Variants in ARHGAP32 observed in about 807,000 individuals in gnomAD.
ARHGAP32 encodes rho GTPase-activating protein 32.
In ARHGAP32, 51 loss-of-function variants were observed where a neutral mutation model predicts 186.5. The observed-to-expected ratio is 0.27, with a 90% CI of 0.22 to 0.35. The LOEUF is 0.35. Ranked by LOEUF, ARHGAP32 falls within the 10% of genes least tolerant of loss-of-function variation. The pLI is 1.00. For missense variants in ARHGAP32, 2,186 were observed against 2,623.5 expected (o/e 0.83, Z 3.64); for synonymous variants, 950 against 964.3 (o/e 0.99, Z 0.27).
chr11:129,158,396 C>CA (rs145817087), intron 2 of ARHGAP32, among the ~76,000 whole-genome samples: 6,983 of 65,914 alleles, frequency 0.11, 200 homozygotes, highest in Admixed American at 0.19. Flanking sequence ...AAATGGAAGG[C>CA]AAAAAAAAAA....
intron 7 of ARHGAP32, among the ~76,000 whole-genome samples, chr11:129,065,308 C>T (rs1940649415): frequency 6.6e-6 from 1 of 152,092 alleles, no homozygotes; most frequent in Non-Finnish European, 1.5e-5. Context: ...CTGTAATCTT[C>T]CATGCACATG....
intron 6 of ARHGAP32, among the ~76,000 whole-genome samples, chr11:129,086,585 G>T (rs992151886): frequency 2.6e-5 from 4 of 152,118 alleles, no homozygotes; most frequent in African/African-American, 7.2e-5. Flanking sequence ...ACTTTGGGAG[G>T]CCAAGGCGGG....
intron 2 of ARHGAP32, among the ~76,000 whole-genome samples, chr11:129,132,856 G>A (rs1477184663): frequency 6.6e-6 from 1 of 152,100 alleles, no homozygotes; most frequent in African/African-American, 2.4e-5. Flanking sequence ...TGGAAAGACT[G>A]AAATTCTCTT....
chr11:129,072,594 C>T (rs933793308), intron 6 of ARHGAP32, among the ~76,000 whole-genome samples: 12 of 152,178 alleles, frequency 7.9e-5, no homozygotes, highest in Non-Finnish European at 1.6e-4. Context: ...GAGAATTGCA[C>T]TTACCCACAG....
chr11:128,974,267 T>G lies in ARHGAP32; in HGVS notation c.2930A>C (p.Glu977Ala), dbSNP rs751308710. 1 of 1,614,196 alleles carries G rather than the reference T, an allele frequency of 6.2e-7. No individual in the cohort carries two copies. The highest frequency in any genetic ancestry group is 8.5e-7 in the Non-Finnish European group (1 of 1,180,030). The change falls in exon 21 of 23, where the codon GAG (glutamate) becomes GCG (alanine). Residue 977 changes from glutamate to alanine, a missense_variant. Glu to Ala is a moderately radical substitution (Grantham distance 107). Transcript: ENST00000682385. ...PTQIVKMKTN[E>A]TVAQEAYESE... ...TTCATATGCTTCTTGGGCAACTGTCTCATTTGTTTTCATCTTTACTATCTG... is the reference window on the plus strand; with the variant it reads ...TTCATATGCTTCTTGGGCAACTGTCGCATTTGTTTTCATCTTTACTATCTG...
At chr11:129,193,732 A>ATATATTATATAATATATATT (rs1491217015), upstream of ARHGAP32, among the ~76,000 whole-genome samples, 1 of 80,312 alleles carries the variant, frequency 1.2e-5, no homozygotes, top group African/African-American at 5.7e-5. Flanking sequence ...TATTATATAT[A>ATATATTATATAATATATATT]ATATATATTA....
Position 129,079,668 on chromosome 11 carries a change from C to T in ARHGAP32, c.532-12800G>A, listed in dbSNP as rs564306651. ...TCCTTAAAGCATAAATCTCACAGGG[C>T]CTATAAAACAGTAACAATGAAAAAC... On this transcript the variant is annotated intron_variant, in intron 6 of 22. Coordinates refer to ENST00000682385, the MANE Select transcript of ARHGAP32 (RefSeq NM_001378024.1). Among the ~76,000 whole-genome samples the T allele has an allele frequency of 2.0e-5, 3 of 152,170 alleles. No individual in the cohort carries two copies. In the East Asian group the frequency reaches 5.8e-4, roughly 29 times the overall value.
intron 2 of ARHGAP32, among the ~76,000 whole-genome samples, chr11:129,127,660 T>A (rs1308489785): frequency 6.6e-6 from 1 of 152,134 alleles, no homozygotes; most frequent in Admixed American, 6.6e-5. Context: ...TATCTTAAAT[T>A]TCTATTGAGA....
At chr11:129,108,065 A>G (rs1942099619) in intron 5 of ARHGAP32, among the ~76,000 whole-genome samples, 1 of 152,158 alleles carries the variant, frequency 6.6e-6, no homozygotes, top group Non-Finnish European at 1.5e-5. Context: ...ATTAAATAAG[A>G]AAGAAGGCAG....
intron 1 of ARHGAP32, among the ~76,000 whole-genome samples, chr11:129,237,354 C>T (rs566798372): frequency 4.8e-4 from 73 of 152,250 alleles, no homozygotes; most frequent in Non-Finnish European, 8.5e-4. Flanking sequence ...CAAATATTTA[C>T]TGGTCATTTG....
intron 11 of ARHGAP32, among the ~76,000 whole-genome samples, chr11:129,033,133 T>C (rs1939183579): frequency 6.6e-6 from 1 of 152,238 alleles, no homozygotes; most frequent in Non-Finnish European, 1.5e-5. Context: ...TTTTTACTGG[T>C]GTAGGGGAAT....
upstream of ARHGAP32, chr11:129,279,427 C>G (rs1945582621): frequency 1.4e-5 from 2 of 146,050 alleles, no homozygotes; most frequent in Admixed American, 1.4e-4. Context: ...ACGCACCGCG[C>G]TCGCCCTCCC....
chr11:129,239,457 G>A (rs1944986195), intron 1 of ARHGAP32, among the ~76,000 whole-genome samples: 1 of 152,142 alleles, frequency 6.6e-6, no homozygotes, highest in Admixed American at 6.5e-5. Context: ...GCCAGGAGCT[G>A]TCCCAGAAGT....
rs570285790 is a variant in ARHGAP32 at position 129,019,166 on chromosome 11, A to T, written c.1046-20698T>A. ...TGTGAATCTTCTGGTCTGTTTTGTG[A>T]TAGCTCTGCCCTCTCTCTGGCACCA... On this transcript the variant is annotated intron_variant, in intron 11 of 22. Transcript: ENST00000682385. Among the ~76,000 whole-genome samples the T allele has an allele frequency of 4.6e-5, 7 of 152,298 alleles. No homozygotes were observed. In the East Asian group the frequency reaches 1.3e-3, roughly 29 times the overall value.
intron 11 of ARHGAP32, among the ~76,000 whole-genome samples, chr11:129,001,117 C>G (rs943076241): frequency 6.6e-6 from 1 of 152,096 alleles, no homozygotes; most frequent in African/African-American, 2.4e-5. Context: ...CTTCTATATA[C>G]GAATTTCCTT....
rs969912372 is a variant in ARHGAP32 at position 128,981,504 on chromosome 11, C to T, written c.1692G>A (p.Arg564=). ...FSGTAAFMEV[R]IQSVVVEFIL... ...TGAACTCAACAACCACAGACTGAAT[C>T]CTCACTTCCATGAAAGCTGCTGTTC... Residue 564 remains arginine (R), a synonymous_variant, in exon 17 of 23, where the codon AGG becomes AGA. Transcript: ENST00000682385. 5 of 1,613,940 alleles carry T rather than the reference C, an allele frequency of 3.1e-6. No homozygotes were observed. The highest frequency in any genetic ancestry group is 1.7e-5 in the Admixed American group (1 of 59,984).
intron 18 of ARHGAP32, among the ~76,000 whole-genome samples, chr11:128,980,178 T>C (rs1945667900): frequency 6.6e-6 from 1 of 152,242 alleles, no homozygotes; most frequent in African/African-American, 2.4e-5. Flanking sequence ...GTCAAACAAG[T>C]CACTGTCCAT....
In ARHGAP32 at chr11:128,969,850, T is replaced by C; in HGVS notation, c.5363A>G (p.Asp1788Gly). ...KVKGPVMSQYDNMTPAVQDDL... is the reference protein window; with the variant it reads ...KVKGPVMSQYGNMTPAVQDDL... ...GTCCTGCACCGCCGGGGTCATGTTA[T>C]CATATTGGGACATGACAGGCCCTTT... Residue 1788 changes from aspartate to glycine, a missense_variant, in exon 23 of 23, where the codon GAT becomes GGT. Asp to Gly is a moderately conservative substitution (Grantham distance 94). Around this residue, in one of 5 missense-constraint regions of ARHGAP32, gnomAD observed 1,502 missense variants for 1,570.0 expected, o/e 0.96. Transcript: ENST00000682385. The surrounding 1 kb of genome is among the most constrained non-coding windows in gnomAD (Gnocchi z 4.8). 6.2e-7 allele frequency: 1 copy of C among 1,614,218 alleles called. No homozygotes were observed. The highest frequency in any genetic ancestry group is 8.5e-7 in the Non-Finnish European group (1 of 1,180,042).
At position 128,969,220 on chromosome 11, in the gene ARHGAP32, T is replaced by C. The variant is rs1363450645; in HGVS notation, c.5993A>G (p.Glu1998Gly). Residue 1998 changes from glutamate (E) to glycine (G), a missense_variant, in exon 23 of 23, where the codon GAG becomes GGG. By Grantham distance (98) the Glu-to-Gly change is moderately conservative. Transcript: ENST00000682385. This position sits in a 1 kb window ranked among gnomAD's most constrained non-coding sequence, Gnocchi z 4.8. ...ATGGAGTTTGAGGCTATGACTCCTCTCTGGTTTAGGGGGTGGGACGATTGA... is the reference window on the plus strand; with the variant it reads ...ATGGAGTTTGAGGCTATGACTCCTCCCTGGTTTAGGGGGTGGGACGATTGA... ...TQSIVPPPKP[E>G]RSHSLKLHHT... 1.2e-6 allele frequency: 2 copies of C among 1,614,076 alleles called. No homozygotes were observed. The highest frequency in any genetic ancestry group is 1.7e-6 in the Non-Finnish European group (2 of 1,179,956).
Sources: gnomAD v4.1 joint callset for allele counts (sites outside exome capture counted in the v4.1 genomes callset) on GRCh38, gnomAD v4.1.1 for gene constraint, gnomAD v4.1.1 regional missense constraint, Gnocchi (gnomAD v3.1) non-coding constraint, MANE v1.5 for transcripts, NCBI Gene and HGNC (gene_info 2026-07-23, HGNC 2026-07-21) for gene names.